Variants in ATIC observed in about 807,000 individuals in gnomAD.
ATIC encodes the protein 5-aminoimidazole-4-carboxamide ribonucleotide formyltransferase/IMP cyclohydrolase, also known as bifunctional purine biosynthesis protein ATIC.
ATIC carries 64 observed loss-of-function variants against 72.5 expected under a neutral mutation model. The ratio of observed to expected loss-of-function variants is 0.88; its 90% CI spans 0.72 to 1.09. The LOEUF is 1.09. ATIC is among the 50% of genes least tolerant of loss of function. The probability of loss-of-function intolerance (pLI) is 0.00; values close to 1 mark genes in which losing one functional copy is unlikely to be tolerated. For synonymous variants in ATIC, 281 were observed against 267.1 expected, an observed-to-expected ratio of 1.05 and a Z score of -0.51; for missense variants, 787 against 732.4, an observed-to-expected ratio of 1.07 and a Z score of -0.86.
intron 2 of ATIC, among the ~76,000 whole-genome samples, chr2:215,316,347 A>G (rs1177008198): frequency 6.6e-6 from 1 of 152,194 alleles, no homozygotes; most frequent in East Asian, 1.9e-4. Context: ...TGTGTGTGTC[A>G]TTGGTCAAAC....
In ATIC at chr2:215,338,885, A is replaced by G. The variant is rs1253489308; in HGVS notation, c.1205A>G (p.Asn402Ser). 6 of 1,613,598 alleles carry G rather than the reference A, an allele frequency of 3.7e-6. No individual in the cohort carries two copies. The African/African-American group carries it at 6.7e-5, about 18-fold the overall frequency. The change falls in exon 12 of 16, where the codon AAT (asparagine) becomes AGT (serine). Residue 402 changes from asparagine (N) to serine (S), a missense_variant. Transcript: ENST00000236959. ...GTCGTCGACAAGTCATTATTTAGCA[A>G]TGTTGTTACCAAAAATAAAGATGTA... ...NGVVDKSLFS[N>S]VVTKNKDLPE...
In ATIC at chr2:215,332,560, T is replaced by C; in HGVS notation, c.814+53T>C. 4 of 1,598,220 alleles carry C rather than the reference T, an allele frequency of 2.5e-6. No homozygotes were observed. The South Asian group carries it at 3.4e-5, about 14-fold the overall frequency. On this transcript the variant is annotated intron_variant, in intron 8 of 15. Coordinates refer to ENST00000236959, the MANE Select transcript of ATIC (RefSeq NM_004044.7). ...AGAATTGTTCGAAAGGCATTTCTTC[T>C]TAAATTTTTTTGAATATTAACAAGT...
the ATIC span, among the ~76,000 whole-genome samples, chr2:215,359,391 G>A: frequency 6.6e-6 from 1 of 152,294 alleles, no homozygotes; most frequent in African/African-American, 2.4e-5. Context: ...TGTCTCAGGG[G>A]GTTGTCCCTT....
At chr2:215,314,899 CAA>C (rs1353399036) in intron 2 of ATIC, among the ~76,000 whole-genome samples, 1 of 152,118 alleles carries the variant, frequency 6.6e-6, no homozygotes, top group African/African-American at 2.4e-5. Context: ...AAAAGCATAA[CAA>C]ATTTATTTAA....
downstream of ATIC, among the ~76,000 whole-genome samples, chr2:215,352,378 T>C (rs7565311): frequency 0.85 from 129,785 of 151,930 alleles, 56,377 homozygotes; most frequent in East Asian, 1. Context: ...GGTCAGGAGT[T>C]CGAGACCAGC....
At chr2:215,355,480 C>T in the ATIC span, among the ~76,000 whole-genome samples, 91,605 of 151,856 alleles carry the variant, frequency 0.6, 27,742 homozygotes, top group East Asian at 0.72. Context: ...TCCATTCTTC[C>T]TCCCGTTGCC....
rs776923678 is a variant in ATIC at position 215,334,879 on chromosome 2, A to T, written c.923-40A>T. On this transcript the variant is annotated intron_variant, in intron 9 of 15. Coordinates refer to ENST00000236959, the MANE Select transcript of ATIC (RefSeq NM_004044.7). ...ATTTTATTACTTTTTCTGTATCAGG[A>T]TACTTTGTGATAAATACCTCATTTT... is the stretch of plus-strand genomic sequence containing the variant. The T allele has an allele frequency of 2.7e-6, 4 of 1,497,572 alleles. No individual in the cohort carries two copies. The East Asian group carries it at 6.8e-5, about 25-fold the overall frequency. The allele number at this position is 1,497,572 out of a possible 1,614,324, so 92.8% of individuals were successfully genotyped here.
At chr2:215,331,310 A>G (rs2052891242) in intron 7 of ATIC, among the ~76,000 whole-genome samples, 1 of 151,786 alleles carries the variant, frequency 6.6e-6, no homozygotes, top group African/African-American at 2.4e-5. Flanking sequence ...AACTCAGTAA[A>G]TATTTGGCAA....
At chr2:215,312,231 G>T (rs928960926) in intron 1 of ATIC, 70 bp downstream of exon 1, 7 of 1,448,562 alleles carry the variant, frequency 4.8e-6, no homozygotes, top group African/African-American at 1.5e-5. Flanking sequence ...CCTTGGCGGC[G>T]GCCGGCGGGA....
At chr2:215,325,167 G>T (rs2052808981) in intron 4 of ATIC, 74 bp from the exon 5 acceptor site, 1 of 1,131,410 alleles carries the variant, frequency 8.8e-7, no homozygotes, top group Non-Finnish European at 1.3e-6. Flanking sequence ...GTACTGACTT[G>T]TTTTTTTCCT....
In ATIC at chr2:215,349,154, G is replaced by A. The variant is rs1394701136; in HGVS notation, c.1564G>A (p.Ala522Thr). ...FEEVPELLTE[A>T]EKKEWVEKLT... is the part of the protein sequence containing the mutation. ...GGAAGTCCCTGAGTTACTCACTGAG[G>A]CAGAGAAGAAGGAATGGGTTGAGAA... Residue 522 changes from alanine (A) to threonine (T), a missense_variant, in exon 15 of 16, where the codon GCA becomes ACA. Transcript: ENST00000236959. 6.2e-7 allele frequency: 1 copy of A among 1,614,052 alleles called. No individual in the cohort carries two copies. The highest frequency in any genetic ancestry group is 1.7e-5 in the Admixed American group (1 of 60,010).
chr2:215,344,838 G>A lies in ATIC; in HGVS notation c.1287G>A (p.Gln429=), dbSNP rs2053055973. The change falls in exon 13 of 16, where the codon CAG becomes CAA. Residue 429 remains glutamine, a synonymous_variant. Transcript: ENST00000236959. ...IVATIAVKYT[Q]SNSVCYAKNG... ...CCACCATTGCTGTCAAGTACACTCA[G>A]TCTAACTCTGTGTGCTACGCCAAGA... 2 of 1,614,016 alleles carry A rather than the reference G, an allele frequency of 1.2e-6. No individual in the cohort carries two copies. The highest frequency in any genetic ancestry group is 1.7e-6 in the Non-Finnish European group (2 of 1,180,012).
chr2:215,326,897 C>T lies in ATIC; in HGVS notation c.607C>T (p.Gln203Ter). 14 of 1,614,164 alleles carry T rather than the reference C, an allele frequency of 8.7e-6. No individual in the cohort carries two copies. The highest frequency in any genetic ancestry group is 1.2e-5 in the Non-Finnish European group (14 of 1,180,032). ...FRKQYSKGVS[Q>*]MPLRYGMNPH... is the part of the protein sequence containing the mutation. ...GAAACAGTACAGCAAAGGCGTATCTCAGATGCCCTTGAGATATGGAATGAA... is the reference window on the plus strand; with the variant it reads ...GAAACAGTACAGCAAAGGCGTATCTTAGATGCCCTTGAGATATGGAATGAA... The change falls in exon 7 of 16, where the codon CAG (glutamine) becomes TAG (stop). Residue 203 changes from glutamine (Q) to a stop codon, truncating the protein, a stop_gained. Coordinates refer to ENST00000236959, the MANE Select transcript of ATIC (RefSeq NM_004044.7). LOFTEE classifies it high-confidence loss of function.
At chr2:215,318,034 AT>A in intron 2 of ATIC, 122 bp from the exon 3 acceptor site, 1 of 861,916 alleles carries the variant, frequency 1.2e-6, no homozygotes, top group Non-Finnish European at 1.9e-6. Context: ...ACTTTAAAAA[AT>A]CAGAATTTTC....
At chr2:215,321,488 G>T (rs2052766438) in intron 4 of ATIC, among the ~76,000 whole-genome samples, 1 of 152,194 alleles carries the variant, frequency 6.6e-6, no homozygotes, top group Admixed American at 6.5e-5. Context: ...TTTCATTGGG[G>T]TATATACCTA....
At chr2:215,328,828 C>T (rs1269326356) in intron 7 of ATIC, among the ~76,000 whole-genome samples, 1 of 151,974 alleles carries the variant, frequency 6.6e-6, no homozygotes, top group Non-Finnish European at 1.5e-5. Context: ...AGTGATTCTC[C>T]TGCCTCGGCC....
intron 2 of ATIC, among the ~76,000 whole-genome samples, chr2:215,317,892 G>A (rs747134874): frequency 1.3e-5 from 2 of 152,120 alleles, no homozygotes; most frequent in Non-Finnish European, 2.9e-5. Context: ...TAAATGCTCT[G>A]AAAATTATAA....
chr2:215,331,817 T>A (rs1328235347), intron 7 of ATIC, among the ~76,000 whole-genome samples: 2 of 152,218 alleles, frequency 1.3e-5, no homozygotes, highest in African/African-American at 4.8e-5. Flanking sequence ...ACTCTGAAGT[T>A]GCAGTCTCCT....
chr2:215,325,913 A>G, intron 5 of ATIC, 74 bp from the exon 6 acceptor site: 1 of 1,551,974 alleles, frequency 6.4e-7, no homozygotes, highest in Non-Finnish European at 8.9e-7. Context: ...GTACATGCAC[A>G]ATGACTTTAT....
Sources: allele counts gnomAD v4.1 joint callset (sites outside exome capture counted in the v4.1 genomes callset), GRCh38; gene constraint gnomAD v4.1.1; transcripts MANE v1.5; gene names NCBI Gene and HGNC (gene_info 2026-07-23, HGNC 2026-07-21).